Variants in N4BP2 observed in about 807,000 individuals in gnomAD.
N4BP2 encodes NEDD4-binding protein 2.
N4BP2 carries 91 observed loss-of-function variants against 152.8 expected under a neutral mutation model. The ratio of observed to expected loss-of-function variants is 0.60; its 90% confidence interval spans 0.50 to 0.71. The LOEUF is 0.71. N4BP2 is among the 30% of genes least tolerant of loss of function. The probability of loss-of-function intolerance (pLI) is 0.00; values close to 1 mark genes in which losing one functional copy is unlikely to be tolerated. For missense variants in N4BP2, 1,923 were observed against 2,059.1 expected (o/e 0.93, Z 1.28); for synonymous variants, 646 against 705.3 (o/e 0.92, Z 1.33).
intron 16 of N4BP2, among the ~76,000 whole-genome samples, chr4:40,146,619 A>G (rs2110041034): frequency 6.6e-6 from 1 of 152,342 alleles, no homozygotes; most frequent in African/African-American, 2.4e-5. Flanking sequence ...GATTACCACA[A>G]TGAAGTACTT....
At chr4:40,113,353 A>G (rs912608893) in intron 6 of N4BP2, 79 bp from the exon 7 acceptor site, 2 of 1,041,648 alleles carry the variant, frequency 1.9e-6, no homozygotes, top group African/African-American at 1.6e-5. Context: ...TACGTTTTAC[A>G]TGCTATATAT....
intron 17 of N4BP2, among the ~76,000 whole-genome samples, 190 bp downstream of exon 17, chr4:40,153,093 C>T (rs1721287902): frequency 6.6e-6 from 1 of 152,098 alleles, no homozygotes; most frequent in Admixed American, 6.5e-5. Flanking sequence ...TGATTTCAGC[C>T]ACAGATTCAT....
intron 2 of N4BP2, among the ~76,000 whole-genome samples, chr4:40,090,522 CTG>C (rs1222598765): frequency 3.3e-5 from 5 of 152,152 alleles, no homozygotes; most frequent in South Asian, 2.1e-4. Flanking sequence ...TTCTCGGAAA[CTG>C]TGATTTTAAG....
chr4:40,106,585 G>A (rs376471009), intron 4 of N4BP2, among the ~76,000 whole-genome samples: 2 of 152,024 alleles, frequency 1.3e-5, no homozygotes, highest in South Asian at 4.1e-4. Flanking sequence ...GTCTTGCTCT[G>A]TCTCCCAGGC....
In N4BP2 at chr4:40,092,013, TATATATATATATATATATA is replaced by T. The variant is rs1714637910; in HGVS notation, c.-114-5213_-114-5195del. 2.6e-4 allele frequency among the ~76,000 whole-genome samples: 14 copies of T among 54,140 alleles called. No homozygotes were observed. In the East Asian group the frequency reaches 4.8e-3, roughly 18 times the overall value. The allele number at this position is 54,140 out of a possible 152,430, so 35.5% of individuals were successfully genotyped here. The stretch of plus-strand genomic sequence containing the variant: ...AAAAAAAAAAAAAAAAAAAATTATA[TATATATATATATATATATA>T]TATATATATATATAGCTGAATTTTA... On this transcript the variant is annotated intron_variant, in intron 2 of 17. Coordinates refer to ENST00000261435, the MANE Select transcript of N4BP2 (RefSeq NM_018177.6).
At position 40,102,214 on chromosome 4, in the gene N4BP2, A is replaced by G; in HGVS notation, c.369A>G (p.Glu123=). 3 of 1,614,072 alleles carry G rather than the reference A, an allele frequency of 1.9e-6. No homozygotes were observed. The highest frequency in any genetic ancestry group is 2.5e-6 in the Non-Finnish European group (3 of 1,179,992). The change falls in exon 4 of 18, where the codon GAA becomes GAG. Residue 123 remains glutamate, a synonymous_variant. Coordinates refer to ENST00000261435, the MANE Select transcript of N4BP2 (RefSeq NM_018177.6). ...AAATAATGGAAAAACGTCCTGAAGAAGAGAGTGAAGATTCAAAAATGGATT... is the reference window on the plus strand; with the variant it reads ...AAATAATGGAAAAACGTCCTGAAGAGGAGAGTGAAGATTCAAAAATGGATT... The part of the protein sequence containing the change: ...ESKIMEKRPE[E]ESEDSKMDSF...
At chr4:40,062,375 C>T (rs534293207) in intron 1 of N4BP2, among the ~76,000 whole-genome samples, 1 of 152,186 alleles carries the variant, frequency 6.6e-6, no homozygotes, top group Admixed American at 6.5e-5. Context: ...CGCTGCTGCC[C>T]TCCTACTCCA....
At chr4:40,093,373 C>G (rs1714805544) in intron 2 of N4BP2, among the ~76,000 whole-genome samples, 1 of 151,976 alleles carries the variant, frequency 6.6e-6, no homozygotes, top group African/African-American at 2.4e-5. Context: ...GCATTTAGTG[C>G]TATAGATTTT....
the N4BP2 span, among the ~76,000 whole-genome samples, chr4:40,186,347 C>T: frequency 6.6e-6 from 1 of 152,108 alleles, no homozygotes; most frequent in East Asian, 1.9e-4. Context: ...ATAGAGAAAA[C>T]TTAGGTAGAC....
intron 2 of N4BP2, among the ~76,000 whole-genome samples, chr4:40,096,506 T>C (rs577925794): frequency 6.6e-6 from 1 of 152,292 alleles, no homozygotes; most frequent in African/African-American, 2.4e-5. Flanking sequence ...TTTTAAGGGC[T>C]CTGGCTTTTG....
the N4BP2 span, among the ~76,000 whole-genome samples, chr4:40,172,925 G>T: frequency 2.0e-5 from 3 of 152,028 alleles, no homozygotes; most frequent in African/African-American, 7.2e-5. Context: ...TTGAATCTAC[G>T]AACTTTTTTG....
chr4:40,180,066 G>A, the N4BP2 span, among the ~76,000 whole-genome samples: 1 of 151,994 alleles, frequency 6.6e-6, no homozygotes, highest in Non-Finnish European at 1.5e-5. Flanking sequence ...GCCTGGCCTA[G>A]AGTGGTAAAA....
In N4BP2 at chr4:40,154,328, G is replaced by A; in HGVS notation, c.*91G>A. 1.3e-6 allele frequency: 1 copy of A among 746,880 alleles called. No homozygotes were observed. Among genetic ancestry groups the A allele is most frequent in the Non-Finnish European group, 2.1e-6 (1 of 466,538 alleles). 46.3% of individuals were successfully genotyped at this position (746,880 alleles called of 1,614,324 possible). A position where few individuals can be genotyped will look rare whatever the true frequency, so the allele number is the denominator to read the frequency against. On this transcript the variant is annotated 3_prime_UTR_variant, in exon 18 of 18. Transcript: ENST00000261435. ...TCAGTCAATTCTACCCTAAAGATGT[G>A]TTTTATTATAAATAATATTCAATTA...
At position 40,102,703 on chromosome 4, in the gene N4BP2, G is replaced by C. The variant is rs1159051883; in HGVS notation, c.858G>C (p.Leu286Phe). 6.2e-7 allele frequency: 1 copy of C among 1,614,126 alleles called. No homozygotes were observed. ...EAQFSEAPVD[L>F]DASEPQACLN... ...AATTCTCTGAAGCTCCTGTAGATTTGGATGCCAGTGAACCTCAGGCTTGTT... is the reference window on the plus strand; with the variant it reads ...AATTCTCTGAAGCTCCTGTAGATTTCGATGCCAGTGAACCTCAGGCTTGTT... The change falls in exon 4 of 18, where the codon TTG becomes TTC. Residue 286 changes from leucine (L) to phenylalanine (F), a missense_variant. Physicochemically the swap from Leu to Phe is conservative, Grantham distance 22. Coordinates refer to ENST00000261435, the MANE Select transcript of N4BP2 (RefSeq NM_018177.6).
intron 17 of N4BP2, among the ~76,000 whole-genome samples, chr4:40,153,205 T>G (rs1721293992): frequency 6.6e-6 from 1 of 152,226 alleles, no homozygotes. Flanking sequence ...GATAAAACTT[T>G]CTATCATAAA....
chr4:40,131,869 A>G lies in N4BP2; in HGVS notation c.4596A>G (p.Ile1532Met). ...TAAAGGAGAAGCAGCTCTTTAAGAT[A>G]TTTCCAGCCATTAACCAAAATTTTC... is the stretch of plus-strand genomic sequence containing the variant. The part of the protein sequence containing the change: ...TKLKEKQLFK[I>M]FPAINQNFLV... Residue 1532 changes from isoleucine (I) to methionine (M), a missense_variant, in exon 13 of 18, where the codon ATA (isoleucine) becomes ATG (methionine). Physicochemically the swap from Ile to Met is conservative, Grantham distance 10 (BLOSUM62 1). Transcript: ENST00000261435. 1 of 1,613,708 alleles carries G rather than the reference A, an allele frequency of 6.2e-7. No homozygotes were observed. The highest frequency in any genetic ancestry group is 8.5e-7 in the Non-Finnish European group (1 of 1,179,762).
the N4BP2 span, among the ~76,000 whole-genome samples, chr4:40,186,700 T>A: frequency 6.6e-6 from 1 of 152,244 alleles, no homozygotes; most frequent in Non-Finnish European, 1.5e-5. Context: ...CCCATGTCAT[T>A]AAAGATTTTT....
chr4:40,172,541 T>C, the N4BP2 span, among the ~76,000 whole-genome samples: 340 of 152,116 alleles, frequency 2.2e-3, no homozygotes, highest in African/African-American at 7.7e-3. Flanking sequence ...AGAGGGAAGA[T>C]GATGTGAAGA....
At chr4:40,060,735 T>C (rs1406536813) in intron 1 of N4BP2, among the ~76,000 whole-genome samples, 1 of 151,890 alleles carries the variant, frequency 6.6e-6, no homozygotes, top group African/African-American at 2.4e-5. Context: ...CCCGAGTAGC[T>C]GGGAGTATAG....
Sources: gnomAD v4.1 joint callset for allele counts (sites outside exome capture counted in the v4.1 genomes callset) on GRCh38, gnomAD v4.1.1 for gene constraint, MANE v1.5 for transcripts, NCBI Gene and HGNC (gene_info 2026-07-23, HGNC 2026-07-21) for gene names.